The following GFOD1 variants were observed in gnomAD, a reference collection of about 807,000 sequenced individuals.
The protein encoded by GFOD1 is Gfo/Idh/MocA-like oxidoreductase domain containing 1, also known as glucose-fructose oxidoreductase domain-containing protein 1.
Under a neutral mutation model 25.4 loss-of-function variants are expected in GFOD1, and 9 were observed. The ratio of observed to expected loss-of-function variants is 0.35; its 90% CI spans 0.21 to 0.62. The LOEUF is 0.62. Among genes scored for constraint, GFOD1 ranks in the 20% least tolerant of loss-of-function variants. The pLI is 0.72. For missense variants in GFOD1, 403 were observed against 556.9 expected (o/e 0.72, Z 2.78); for synonymous variants, 253 against 245.6 (o/e 1.03, Z -0.28).
intron 1 of GFOD1, chr6:13,469,461 AT>A: frequency 1.0e-6 from 1 of 989,266 alleles, no homozygotes. Context: ...TTCAGTCACC[AT>A]TTCCCCGTTT....
chr6:13,433,411 C>A (rs915103185), intron 1 of GFOD1, among the ~76,000 whole-genome samples: 2 of 152,176 alleles, frequency 1.3e-5, no homozygotes, highest in Non-Finnish European at 2.9e-5. Flanking sequence ...GAGCCACCAG[C>A]CCTGGCCTTT....
At chr6:13,408,169 C>T (rs1456465304) in intron 1 of GFOD1, 16 of 838,524 alleles carry the variant, frequency 1.9e-5, no homozygotes, top group Non-Finnish European at 2.2e-5. Flanking sequence ...AGGCAATAGC[C>T]TCTGCCTGAT....
rs1562234853 is a variant in GFOD1, at chr6:13,487,001, G to A, written c.-111C>T. On this transcript the variant is annotated 5_prime_UTR_variant, in exon 1 of 2. Transcript: ENST00000379287. This position sits in a 1 kb window ranked among gnomAD's most constrained non-coding sequence, Gnocchi z 4.9. ...CCGCTCCTGTAGCCAATCTAGCCGC[G>A]GTGCGCCAGCCGCCGTGCACCGGGC... is the stretch of plus-strand genomic sequence containing the variant. 7 of 1,336,570 alleles carry A rather than the reference G, an allele frequency of 5.2e-6. No homozygotes were observed. Among genetic ancestry groups the A allele is most frequent in the South Asian group, 1.4e-5 (1 of 70,262 alleles). The allele number at this position is 1,336,570 out of a possible 1,614,324, so 82.8% of individuals were successfully genotyped here.
chr6:13,425,592 C>T (rs1307817833), intron 1 of GFOD1, among the ~76,000 whole-genome samples: 1 of 152,188 alleles, frequency 6.6e-6, no homozygotes, highest in East Asian at 1.9e-4. Context: ...TGGCAGTCCT[C>T]ATTCAGATCT....
chr6:13,483,561 G>A (rs1398989974), intron 1 of GFOD1, among the ~76,000 whole-genome samples: 2 of 151,708 alleles, frequency 1.3e-5, no homozygotes, highest in African/African-American at 4.8e-5. Context: ...GCTAGAGGCA[G>A]GGTTGGGTGG....
In GFOD1 at chr6:13,362,980, A is replaced by T. The variant is rs1784970006; in HGVS notation, c.*1763T>A. On this transcript the variant is annotated 3_prime_UTR_variant, in exon 2 of 2. Transcript: ENST00000379287. ...CTAAACCTCAGTTGCATGTAAAGAC[A>T]CCTGTTGGACTTCAGTGAGCCTGTG... 6.6e-6 allele frequency: 1 copy of T among 152,170 alleles called. No individual in the cohort carries two copies. Among genetic ancestry groups the T allele is most frequent in the Non-Finnish European group, 1.5e-5 (1 of 68,038 alleles). The allele number at this position is 152,170 out of a possible 1,614,324, so 9.4% of individuals were successfully genotyped here.
At chr6:13,462,924 G>C (rs1758316266) in intron 1 of GFOD1, among the ~76,000 whole-genome samples, 1 of 152,212 alleles carries the variant, frequency 6.6e-6, no homozygotes, top group Admixed American at 6.5e-5. Flanking sequence ...AGATAAAAGT[G>C]AAGCATCTCC....
chr6:13,442,048 G>C (rs928431214), intron 1 of GFOD1, among the ~76,000 whole-genome samples: 2 of 152,184 alleles, frequency 1.3e-5, no homozygotes, highest in Admixed American at 6.5e-5. Context: ...TTGGGATGTA[G>C]GAGGAAACTA....
At chr6:13,392,343 CAA>C (rs1035923592) in intron 1 of GFOD1, among the ~76,000 whole-genome samples, 7 of 61,506 alleles carry the variant, frequency 1.1e-4, no homozygotes, top group Non-Finnish European at 2.0e-4. Context: ...GACCCTATCT[CAA>C]AAAAAAAAAA....
At chr6:13,375,297 C>A (rs1446711941) in intron 1 of GFOD1, among the ~76,000 whole-genome samples, 1 of 152,142 alleles carries the variant, frequency 6.6e-6, no homozygotes, top group African/African-American at 2.4e-5. Context: ...GAGATACACG[C>A]TCCTATTTTT....
intron 1 of GFOD1, among the ~76,000 whole-genome samples, chr6:13,433,926 G>A (rs900054781): frequency 2.0e-5 from 3 of 152,182 alleles, no homozygotes; most frequent in East Asian, 1.9e-4. Flanking sequence ...GCAGACTATC[G>A]TCTCAACAAA....
intron 1 of GFOD1, among the ~76,000 whole-genome samples, chr6:13,410,005 G>GT (rs56252038): frequency 0.069 from 8,348 of 121,566 alleles, 411 homozygotes; most frequent in Middle Eastern, 0.16. Flanking sequence ...CGGATTTTTA[G>GT]TTTTTTTTTT....
intron 1 of GFOD1, among the ~76,000 whole-genome samples, chr6:13,428,761 C>A (rs1418203131): frequency 6.6e-6 from 1 of 152,188 alleles, no homozygotes; most frequent in Non-Finnish European, 1.5e-5. Flanking sequence ...CACTCTCAAA[C>A]TTCCCTCCCC....
chr6:13,426,968 C>G (rs906858044), intron 1 of GFOD1, among the ~76,000 whole-genome samples: 2 of 152,178 alleles, frequency 1.3e-5, no homozygotes, highest in African/African-American at 4.8e-5. Context: ...TCAGTTTTCT[C>G]CTCTGCACAG....
intron 1 of GFOD1, among the ~76,000 whole-genome samples, chr6:13,382,873 T>C (rs180836573): frequency 5.3e-5 from 8 of 152,190 alleles, no homozygotes; most frequent in Non-Finnish European, 8.8e-5. Flanking sequence ...CCTGTGTCCA[T>C]GTGTTCTCAT....
At chr6:13,376,362 C>T (rs765101845) in intron 1 of GFOD1, among the ~76,000 whole-genome samples, 98 of 152,164 alleles carry the variant, frequency 6.4e-4, no homozygotes, top group Non-Finnish European at 6.0e-4. Context: ...ATGACAACTA[C>T]TGTACCTCGG....
chr6:13,385,669 T>G (rs1036515955), intron 1 of GFOD1, among the ~76,000 whole-genome samples: 1 of 152,234 alleles, frequency 6.6e-6, no homozygotes, highest in Non-Finnish European at 1.5e-5. Context: ...GTATGCAGGT[T>G]AATTTCTACT....
intron 1 of GFOD1, among the ~76,000 whole-genome samples, chr6:13,461,407 T>C (rs1758287876): frequency 1.3e-5 from 2 of 152,212 alleles, no homozygotes; most frequent in South Asian, 4.1e-4. Context: ...CTTGCTCCAA[T>C]GCCATCTGAA....
chr6:13,396,456 C>A (rs1785734507), intron 1 of GFOD1, among the ~76,000 whole-genome samples: 1 of 152,156 alleles, frequency 6.6e-6, no homozygotes, highest in African/African-American at 2.4e-5. Flanking sequence ...GGCAGGTGGC[C>A]TTTTCCTAGG....
Sources: gnomAD v4.1 joint callset for allele counts (sites outside exome capture counted in the v4.1 genomes callset) on GRCh38, gnomAD v4.1.1 for gene constraint, Gnocchi (gnomAD v3.1) non-coding constraint, MANE v1.5 for transcripts, NCBI Gene and HGNC (gene_info 2026-07-23, HGNC 2026-07-21) for gene names.